NPHP1: variants seen among roughly 807,000 people sequenced by gnomAD.
The protein encoded by NPHP1 is nephrocystin 1, also known as nephrocystin-1.
In NPHP1, 70 loss-of-function variants were observed where a neutral mutation model predicts 90.4. The ratio of observed to expected loss-of-function variants is 0.77; its 90% confidence interval spans 0.64 to 0.95. NPHP1 has a LOEUF of 0.95. NPHP1 is among the 40% of genes least tolerant of loss of function. The probability of loss-of-function intolerance (pLI) is 0.00; values close to 1 mark genes in which losing one functional copy is unlikely to be tolerated. For missense variants in NPHP1, 764 were observed against 795.9 expected (o/e 0.96, Z 0.48); for synonymous variants, 256 against 271.7 (o/e 0.94, Z 0.57).
chr2:110,189,816 G>A lies in NPHP1; in HGVS notation c.144-10132C>T, dbSNP rs148763231. On this transcript the variant is annotated intron_variant, in intron 2 of 19. Coordinates refer to ENST00000445609, the MANE Select transcript of NPHP1 (RefSeq NM_001128178.3). ...GAGTGTCCACACAAAGGTTCTCCAAGTCCCCACCAGAGTAGTTAGATATAG... is the reference window on the plus strand; with the variant it reads ...GAGTGTCCACACAAAGGTTCTCCAAATCCCCACCAGAGTAGTTAGATATAG... 5.4e-3 allele frequency among the ~76,000 whole-genome samples: 825 copies of A among 152,158 alleles called. 13 individuals carry two copies. Among genetic ancestry groups the A allele is most frequent in the African/African-American group, 0.017 (706 of 41,516 alleles).
At chr2:110,165,756 T>A (rs1682683084) in intron 6 of NPHP1, among the ~76,000 whole-genome samples, 1 of 151,762 alleles carries the variant, frequency 6.6e-6, no homozygotes, top group Non-Finnish European at 1.5e-5. Flanking sequence ...CTCTTAGAAA[T>A]CAATGAAAGA....
intron 16 of NPHP1, among the ~76,000 whole-genome samples, chr2:110,139,623 A>G (rs1426320653): frequency 1.3e-5 from 2 of 152,184 alleles, no homozygotes; most frequent in Non-Finnish European, 2.9e-5. Context: ...CCAAACAGCA[A>G]GGGCACTGGG....
intron 18 of NPHP1, chr2:110,126,616 G>C (rs1410439854): frequency 1.3e-5 from 2 of 152,584 alleles, no homozygotes; most frequent in Non-Finnish European, 2.9e-5. Context: ...TACAGAACCA[G>C]AGTGTTTTAC....
At chr2:110,167,197 G>C (rs1682782653) in intron 6 of NPHP1, among the ~76,000 whole-genome samples, 1 of 151,942 alleles carries the variant, frequency 6.6e-6, no homozygotes. Flanking sequence ...TGAATGATAG[G>C]AGTATGTTTT....
chr2:110,124,138 A>C, intron 19 of NPHP1, 75 bp from the exon 20 acceptor site: 1 of 1,559,100 alleles, frequency 6.4e-7, no homozygotes. Context: ...ATTAACTAAA[A>C]GCCACCTAAG....
At chr2:110,160,351 T>G in intron 10 of NPHP1, 96 bp from the exon 11 acceptor site, 1 of 1,015,824 alleles carries the variant, frequency 9.8e-7, no homozygotes, top group Non-Finnish European at 1.5e-6. Context: ...TATACAGAAT[T>G]TTTAAAAAAG....
chr2:110,137,990 C>A (rs1427658877), intron 16 of NPHP1, among the ~76,000 whole-genome samples: 4 of 151,616 alleles, frequency 2.6e-5, no homozygotes, highest in Non-Finnish European at 5.9e-5. Flanking sequence ...GAATACTATG[C>A]AGCCATAAAA....
At chr2:110,197,191 C>T (rs888915191) in intron 2 of NPHP1, among the ~76,000 whole-genome samples, 1 of 151,956 alleles carries the variant, frequency 6.6e-6, no homozygotes, top group Admixed American at 6.6e-5. Flanking sequence ...GGGCTTAATA[C>T]CTAGGTGATG....
chr2:110,194,607 A>G (rs1189617507), intron 2 of NPHP1, among the ~76,000 whole-genome samples: 1 of 152,176 alleles, frequency 6.6e-6, no homozygotes, highest in Non-Finnish European at 1.5e-5. Context: ...ATTCCTTCTG[A>G]AACTATTCCA....
chr2:110,166,783 G>C (rs993340460), intron 6 of NPHP1, among the ~76,000 whole-genome samples: 7 of 152,126 alleles, frequency 4.6e-5, no homozygotes, highest in Admixed American at 3.9e-4. Context: ...CAACATAATC[G>C]ATAGTGATTA....
At chr2:110,158,118 C>T (rs1387827697) in intron 11 of NPHP1, among the ~76,000 whole-genome samples, 1 of 152,012 alleles carries the variant, frequency 6.6e-6, no homozygotes, top group Admixed American at 6.6e-5. Flanking sequence ...TTCCATTTAT[C>T]TTCCTGTTAC....
chr2:110,147,265 G>C (rs1197689657), intron 13 of NPHP1, among the ~76,000 whole-genome samples: 1 of 151,852 alleles, frequency 6.6e-6, no homozygotes, highest in Non-Finnish European at 1.5e-5. Flanking sequence ...GGCCCCTAAG[G>C]CTTCCTTTGG....
rs376372725 is a variant in NPHP1, at chr2:110,132,232, C to T, written c.1530-441G>A. 9.2e-5 allele frequency among the ~76,000 whole-genome samples: 14 copies of T among 152,314 alleles called. No homozygotes were observed. The East Asian group carries it at 2.3e-3, about 25-fold the overall frequency. On this transcript the variant is annotated intron_variant, in intron 16 of 19. Transcript: ENST00000445609. ...GGGTGTGACAGACCTGGAATAAGTC[C>T]TGACTTTGTCACTTCTTAGCTATGT...
At chr2:110,161,994 A>AAATCTATG (rs1682378972) in intron 9 of NPHP1, among the ~76,000 whole-genome samples, 1 of 152,168 alleles carries the variant, frequency 6.6e-6, no homozygotes, top group Non-Finnish European at 1.5e-5. Flanking sequence ...TAAAATGCAG[A>AAATCTATG]AATCTATGAG....
At chr2:110,168,708 C>T (rs1444413603) in intron 5 of NPHP1, among the ~76,000 whole-genome samples, 155 bp from the exon 6 acceptor site, 1 of 151,954 alleles carries the variant, frequency 6.6e-6, no homozygotes, top group African/African-American at 2.4e-5. Context: ...CCCTATCACC[C>T]GACCCCTATG....
At chr2:110,184,469 C>A in intron 2 of NPHP1, 1 of 790,476 alleles carries the variant, frequency 1.3e-6, no homozygotes, top group Non-Finnish European at 2.1e-6. Flanking sequence ...CTGCTATTTT[C>A]ATCTCCATGT....
At chr2:110,137,396 A>C (rs1206284715) in intron 16 of NPHP1, among the ~76,000 whole-genome samples, 1 of 152,134 alleles carries the variant, frequency 6.6e-6, no homozygotes, top group Non-Finnish European at 1.5e-5. Flanking sequence ...CAACCTACAG[A>C]ATGGGAGAAA....
At chr2:110,187,546 C>T (rs1426835374) in intron 2 of NPHP1, among the ~76,000 whole-genome samples, 4 of 152,164 alleles carry the variant, frequency 2.6e-5, no homozygotes, top group African/African-American at 9.6e-5. Context: ...CCAACCAAAA[C>T]ACTCCCAGGA....
chr2:110,169,759 G>A, intron 5 of NPHP1, 47 bp downstream of exon 5: 2 of 1,270,496 alleles, frequency 1.6e-6, no homozygotes, highest in Non-Finnish European at 2.3e-6. Context: ...ATTCTGTTAG[G>A]TATGGACATC....
Sources: allele counts gnomAD v4.1 joint callset (sites outside exome capture counted in the v4.1 genomes callset), GRCh38; gene constraint gnomAD v4.1.1; transcripts MANE v1.5; gene names NCBI Gene and HGNC (gene_info 2026-07-23, HGNC 2026-07-21).